ANO3: variants seen among roughly 807,000 people sequenced by gnomAD.
The protein encoded by ANO3 is anoctamin 3, also known as anoctamin-3.
Under a neutral mutation model 144.8 loss-of-function variants are expected in ANO3, and 99 were observed. The observed-to-expected ratio is 0.68, with a 90% confidence interval of 0.58 to 0.81. The LOEUF (loss-of-function observed/expected upper bound fraction) is 0.81. Among genes scored for constraint, ANO3 ranks in the 30% least tolerant of loss-of-function variants. The probability of loss-of-function intolerance (pLI) is 0.00; values close to 1 mark genes in which losing one functional copy is unlikely to be tolerated. For synonymous variants in ANO3, 414 were observed against 392.6 expected, an observed-to-expected ratio of 1.05 and a Z score of -0.64; for missense variants, 905 against 1,202.2, an observed-to-expected ratio of 0.75 and a Z score of 3.66.
intron 1 of ANO3, among the ~76,000 whole-genome samples, chr11:26,202,280 A>G (rs1851710649): frequency 6.9e-6 from 1 of 145,688 alleles, no homozygotes; most frequent in Non-Finnish European, 1.5e-5. Flanking sequence ...TATAATATAT[A>G]TTATATATAA....
At chr11:26,468,843 G>T (rs77253167) in intron 4 of ANO3, among the ~76,000 whole-genome samples, 3 of 151,820 alleles carry the variant, frequency 2.0e-5, no homozygotes, top group East Asian at 1.9e-4. Flanking sequence ...ACTTCTTTTT[G>T]GGATAGTCAG....
intron 14 of ANO3, among the ~76,000 whole-genome samples, chr11:26,570,371 T>G (rs1196018455): frequency 2.0e-5 from 3 of 152,094 alleles, no homozygotes; most frequent in Non-Finnish European, 4.4e-5. Flanking sequence ...ACTGTCCATA[T>G]TTTTGCTTCC....
At chr11:26,479,485 G>A (rs536371343) in intron 4 of ANO3, among the ~76,000 whole-genome samples, 4 of 152,210 alleles carry the variant, frequency 2.6e-5, no homozygotes, top group African/African-American at 9.6e-5. Flanking sequence ...AGGCAAATGA[G>A]GAGCAAAGTC....
chr11:26,367,769 C>T (rs190121782), intron 1 of ANO3, among the ~76,000 whole-genome samples: 9 of 152,222 alleles, frequency 5.9e-5, no homozygotes, highest in Non-Finnish European at 1.5e-5. Flanking sequence ...ATCTCTTTGG[C>T]TTCTAGTGAA....
chr11:26,564,238 A>G (rs1407451123), intron 14 of ANO3, among the ~76,000 whole-genome samples: 3 of 151,838 alleles, frequency 2.0e-5, no homozygotes, highest in African/African-American at 4.8e-5. Flanking sequence ...TGTTAAAATC[A>G]TAGTTAAATG....
intron 17 of ANO3, among the ~76,000 whole-genome samples, chr11:26,601,106 A>G (rs1015554179): frequency 1.3e-5 from 2 of 152,226 alleles, no homozygotes; most frequent in Admixed American, 6.5e-5. Flanking sequence ...AAATAATGAA[A>G]CTGAGATTCA....
intron 14 of ANO3, among the ~76,000 whole-genome samples, chr11:26,583,404 C>T (rs1851185781): frequency 6.6e-6 from 1 of 152,166 alleles, no homozygotes; most frequent in Non-Finnish European, 1.5e-5. Flanking sequence ...GAGAGAGATT[C>T]CATGTCCTTG....
At chr11:26,246,874 A>C (rs1590214280) in intron 1 of ANO3, among the ~76,000 whole-genome samples, 1 of 152,154 alleles carries the variant, frequency 6.6e-6, no homozygotes, top group South Asian at 2.1e-4. Context: ...CTCCTCTTTC[A>C]CCTTCTGCCA....
At chr11:26,577,375 G>A (rs1289864916) in intron 14 of ANO3, among the ~76,000 whole-genome samples, 1 of 151,968 alleles carries the variant, frequency 6.6e-6, no homozygotes, top group Non-Finnish European at 1.5e-5. Context: ...AGGCCAACAT[G>A]GGGAAACCCC....
chr11:26,338,929 ACC>A (rs895080070), intron 1 of ANO3, among the ~76,000 whole-genome samples: 3 of 152,224 alleles, frequency 2.0e-5, no homozygotes, highest in African/African-American at 4.8e-5. Context: ...GAGACCAAGA[ACC>A]CACTGGAAGG....
intron 1 of ANO3, among the ~76,000 whole-genome samples, chr11:26,325,818 G>C (rs1854869289): frequency 6.6e-6 from 1 of 152,202 alleles, no homozygotes; most frequent in South Asian, 2.1e-4. Context: ...TGAAGCCAGA[G>C]TGCGTGAAAT....
At chr11:26,454,454 C>T (rs1348394004) in intron 3 of ANO3, among the ~76,000 whole-genome samples, 4 of 152,122 alleles carry the variant, frequency 2.6e-5, no homozygotes, top group African/African-American at 4.8e-5. Flanking sequence ...AACACCTCTA[C>T]TCAAATAAAC....
At chr11:26,371,801 T>C (rs1009877963) in intron 1 of ANO3, among the ~76,000 whole-genome samples, 8 of 152,222 alleles carry the variant, frequency 5.3e-5, no homozygotes, top group African/African-American at 1.9e-4. Context: ...ATTTCTCTCA[T>C]TTGGAGCTGG....
chr11:26,417,279 C>G (rs947766373), intron 1 of ANO3, among the ~76,000 whole-genome samples: 1 of 152,080 alleles, frequency 6.6e-6, no homozygotes, highest in African/African-American at 2.4e-5. Flanking sequence ...AGACTGGACA[C>G]AACCCAAATA....
At chr11:26,588,875 A>G (rs1425081309) in intron 14 of ANO3, among the ~76,000 whole-genome samples, 3 of 152,044 alleles carry the variant, frequency 2.0e-5, no homozygotes, top group Non-Finnish European at 4.4e-5. Context: ...TAAATGTTTC[A>G]TTTGGTAACA....
chr11:26,617,025 C>G (rs1401701525), intron 17 of ANO3, among the ~76,000 whole-genome samples: 13 of 152,198 alleles, frequency 8.5e-5, no homozygotes, highest in Admixed American at 7.9e-4. Context: ...CCTGCCTCAG[C>G]CTTCCAAAGT....
Position 26,565,883 on chromosome 11 carries a change from T to A in ANO3, c.1447+6104T>A, listed in dbSNP as rs747254721. 2.5e-6 allele frequency: 4 copies of A among 1,576,298 alleles called. No homozygotes were observed. In the East Asian group the frequency reaches 9.0e-5, roughly 35 times the overall value. On this transcript the variant is annotated intron_variant, in intron 14 of 26. Coordinates refer to ENST00000256737, the MANE Select transcript of ANO3 (RefSeq NM_031418.4). ...TTGTAGGCTTCTTTGGTATTGGTTTTTTTTTAAAGGAATCTGAAAGAAAAT... is the reference window on the plus strand; with the variant it reads ...TTGTAGGCTTCTTTGGTATTGGTTTATTTTTAAAGGAATCTGAAAGAAAAT...
intron 4 of ANO3, among the ~76,000 whole-genome samples, chr11:26,486,151 A>G (rs4418757): frequency 0.6 from 91,538 of 151,804 alleles, 28,205 homozygotes; most frequent in East Asian, 0.68. Context: ...TCATGAGGTC[A>G]GGAGTTCAAG....
At position 26,656,395 on chromosome 11, in the gene ANO3, C is replaced by T. The variant is rs762282443; in HGVS notation, c.2677C>T (p.Pro893Ser). 1 of 1,607,088 alleles carries T rather than the reference C, an allele frequency of 6.2e-7. No individual in the cohort carries two copies. The change falls in exon 26 of 27, where the codon CCG becomes TCG. Residue 893 changes from proline (P) to serine (S), a missense_variant. By Grantham distance (74) the Pro-to-Ser change is moderately conservative (BLOSUM62 -1). This residue lies in a region of ANO3 where 597 missense variants were observed against 865.1 expected (regional missense o/e 0.69). Transcript: ENST00000256737. ...GYCRYRDYRG[P>S]PWSSKPYEFT... ...TTTCAGGTACAGAGACTACAGAGGC[C>T]CGCCCTGGAGTTCCAAACCCTATGA...
Sources: allele counts gnomAD v4.1 joint callset (sites outside exome capture counted in the v4.1 genomes callset), GRCh38; gene constraint gnomAD v4.1.1; regional missense constraint gnomAD v4.1.1; transcripts MANE v1.5; gene names NCBI Gene and HGNC (gene_info 2026-07-23, HGNC 2026-07-21).